Variants in WDPCP observed in about 807,000 individuals in gnomAD.
WDPCP encodes WD repeat-containing and planar cell polarity effector protein fritz homolog.
Under a neutral mutation model 93.1 loss-of-function variants are expected in WDPCP, and 71 were observed. The observed-to-expected ratio is 0.76, with a 90% CI of 0.63 to 0.93. The LOEUF is 0.93. Ranked by LOEUF, WDPCP falls within the 40% of genes least tolerant of loss-of-function variation. WDPCP has a pLI of 0.00. For synonymous variants in WDPCP, 315 were observed against 315.0 expected (o/e 1.00, Z 0.00); for missense variants, 844 against 887.4 (o/e 0.95, Z 0.62).
chr2:63,772,489 A>C (rs1558907100), intron 2 of WDPCP, among the ~76,000 whole-genome samples: 1 of 152,122 alleles, frequency 6.6e-6, no homozygotes, highest in South Asian at 2.1e-4. Context: ...GGCCAATACA[A>C]GAAAGAAACA....
chr2:63,502,124 A>C (rs1315952906), intron 1 of WDPCP, among the ~76,000 whole-genome samples: 3 of 152,080 alleles, frequency 2.0e-5, no homozygotes, highest in Non-Finnish European at 2.9e-5. Context: ...GCACACCCAT[A>C]CTGACTTGTT....
intron 1 of WDPCP, among the ~76,000 whole-genome samples, chr2:63,575,401 A>ATATACACTGTATACACTG (rs1362257239): frequency 0.01 from 224 of 21,464 alleles, 27 homozygotes; most frequent in South Asian, 0.034. Context: ...TATATACAGT[A>ATATACACTGTATACACTG]TATATACAGT....
intron 1 of WDPCP, among the ~76,000 whole-genome samples, chr2:63,568,306 G>A (rs1707223399): frequency 6.6e-6 from 1 of 150,882 alleles, no homozygotes; most frequent in South Asian, 2.1e-4. Context: ...TTAGAAAGAA[G>A]GAAGAAGTCT....
intron 3 of WDPCP, among the ~76,000 whole-genome samples, chr2:63,596,834 C>A (rs1227373174): frequency 6.6e-6 from 1 of 152,164 alleles, no homozygotes; most frequent in East Asian, 1.9e-4. Flanking sequence ...CTGGACCAAC[C>A]TAGGCTGGAA....
upstream of WDPCP, among the ~76,000 whole-genome samples, chr2:63,828,501 T>C (rs778496926): frequency 9.2e-5 from 14 of 152,174 alleles, no homozygotes; most frequent in Non-Finnish European, 2.1e-4. Context: ...CATTGCTATA[T>C]ACTTAGTACC....
At chr2:63,774,479 C>G (rs1017472678) in intron 2 of WDPCP, among the ~76,000 whole-genome samples, 5 of 152,156 alleles carry the variant, frequency 3.3e-5, no homozygotes, top group Non-Finnish European at 1.5e-5. Flanking sequence ...GACCCACCAC[C>G]TATGTGTGTA....
intron 6 of WDPCP, among the ~76,000 whole-genome samples, chr2:63,462,220 A>T (rs1699063655): frequency 6.6e-6 from 1 of 152,216 alleles, no homozygotes. Flanking sequence ...TGAAGCTGGA[A>T]ACCGTCATTC....
At chr2:63,200,827 A>C (rs2104328069) in intron 14 of WDPCP, among the ~76,000 whole-genome samples, 1 of 152,272 alleles carries the variant, frequency 6.6e-6, no homozygotes, top group South Asian at 2.1e-4. Flanking sequence ...ATTGTATGTA[A>C]GATAGACAGT....
In WDPCP at chr2:63,166,031, T is replaced by G. The variant is rs557117049; in HGVS notation, c.2078+8639A>C. On this transcript the variant is annotated intron_variant, in intron 15 of 17. Transcript: ENST00000272321. Reference sequence around the variant, plus strand: ...TAAATAAAGTTTTTTGTTTGTTTTGTTTTTTGCTTTGTAAATTTCTTTTTT... The same window carrying G: ...TAAATAAAGTTTTTTGTTTGTTTTGGTTTTTGCTTTGTAAATTTCTTTTTT... Among the ~76,000 whole-genome samples, 32 of 151,994 alleles carry G rather than the reference T, an allele frequency of 2.1e-4. No homozygotes were observed. In the South Asian group the frequency reaches 6.6e-3, roughly 32 times the overall value.
At chr2:63,822,460 T>C (rs1012362943) in intron 1 of WDPCP, among the ~76,000 whole-genome samples, 1 of 152,186 alleles carries the variant, frequency 6.6e-6, no homozygotes, top group African/African-American at 2.4e-5. Context: ...AAAGTATCAG[T>C]TTGCACACAC....
At chr2:63,266,481 T>A (rs57566811) in intron 13 of WDPCP, among the ~76,000 whole-genome samples, 36 of 152,042 alleles carry the variant, frequency 2.4e-4, no homozygotes, top group Middle Eastern at 6.8e-3. Flanking sequence ...CTGTAAAACA[T>A]TGATGAAAGA....
upstream of WDPCP, chr2:63,593,687 G>A (rs1175437826): frequency 1.5e-5 from 7 of 471,258 alleles, no homozygotes; most frequent in East Asian, 4.2e-4. Context: ...GAAAGGAATG[G>A]TTCACCTTAA....
chr2:63,649,516 G>A (rs1441211091), intron 3 of WDPCP, among the ~76,000 whole-genome samples: 1 of 152,124 alleles, frequency 6.6e-6, no homozygotes, highest in Non-Finnish European at 1.5e-5. Flanking sequence ...ACACATTTGT[G>A]TACAAGATTT....
chr2:63,607,047 C>G, intron 3 of WDPCP: 1 of 1,483,394 alleles, frequency 6.7e-7, no homozygotes, highest in South Asian at 1.3e-5. Context: ...GTCTTTGACT[C>G]AAGTACCAAA....
chr2:63,616,415 G>T (rs1030037867), intron 3 of WDPCP, among the ~76,000 whole-genome samples: 3 of 152,210 alleles, frequency 2.0e-5, no homozygotes, highest in South Asian at 2.1e-4. Context: ...AAATGGAATT[G>T]GAGAGGTAAG....
chr2:63,625,407 ATCAT>A (rs1709798981), intron 3 of WDPCP, among the ~76,000 whole-genome samples: 1 of 152,224 alleles, frequency 6.6e-6, no homozygotes. Flanking sequence ...TGAAGATAAC[ATCAT>A]TGTATATTTA....
At chr2:63,786,065 G>T (rs769918848) in intron 2 of WDPCP, among the ~76,000 whole-genome samples, 1 of 151,938 alleles carries the variant, frequency 6.6e-6, no homozygotes, top group Non-Finnish European at 1.5e-5. Context: ...TCTGAGACAG[G>T]GTCTCTCTCT....
At chr2:63,733,183 ATTTTTTT>A (rs70965141) in intron 2 of WDPCP, among the ~76,000 whole-genome samples, 4 of 94,932 alleles carry the variant, frequency 4.2e-5, no homozygotes, top group African/African-American at 9.0e-5. Flanking sequence ...CAAATAAATG[ATTTTTTT>A]TTTTTTTTTT....
chr2:63,131,083 C>A (rs1670263131), intron 17 of WDPCP, among the ~76,000 whole-genome samples: 1 of 152,084 alleles, frequency 6.6e-6, no homozygotes. Context: ...TGTGTTGAAT[C>A]TAAAATGAGT....
Sources: allele counts gnomAD v4.1 joint callset (sites outside exome capture counted in the v4.1 genomes callset), GRCh38; gene constraint gnomAD v4.1.1; transcripts MANE v1.5; gene names NCBI Gene and HGNC (gene_info 2026-07-23, HGNC 2026-07-21).